COL25A1: variants seen among roughly 807,000 people sequenced by gnomAD.
The protein encoded by COL25A1 is collagen alpha-1(XXV) chain.
Under a neutral mutation model 128.4 loss-of-function variants are expected in COL25A1, and 103 were observed. The ratio of observed to expected loss-of-function variants is 0.80; its 90% CI spans 0.68 to 0.94. The LOEUF is 0.94. Among genes scored for constraint, COL25A1 ranks in the 40% least tolerant of loss-of-function variants. COL25A1 has a pLI of 0.00. For synonymous variants in COL25A1, 279 were observed against 277.2 expected, an observed-to-expected ratio of 1.01 and a Z score of -0.06; for missense variants, 745 against 840.0, an observed-to-expected ratio of 0.89 and a Z score of 1.40.
chr4:108,884,187 CGGAAGTCCA>C lies in COL25A1; in HGVS notation c.1002_1010del (p.Leu336_Gly338del). 1 of 1,613,702 alleles carries C rather than the reference CGGAAGTCCA, an allele frequency of 6.2e-7. No individual in the cohort carries two copies. The highest frequency in any genetic ancestry group is 8.5e-7 in the Non-Finnish European group (1 of 1,179,768). On this transcript the variant is annotated inframe_deletion, in exon 19 of 38. Transcript: ENST00000399132. Reference sequence around the variant, plus strand: ...TCCGTGCAGTATTTACCTTTATCCCCGGAAGTCCAGGAAGCCCAGGAAGCCCTGGTTCAC... The same window carrying C: ...TCCGTGCAGTATTTACCTTTATCCCCGGAAGCCCAGGAAGCCCTGGTTCAC...
chr4:108,813,173 C>A lies in COL25A1; in HGVS notation c.*754G>T, dbSNP rs189771880. ...ACTGGTGGCAGCAACAGGCTCAACCCCTTCGTATTTCAACCAAAGTGGCCA... is the reference window on the plus strand; with the variant it reads ...ACTGGTGGCAGCAACAGGCTCAACCACTTCGTATTTCAACCAAAGTGGCCA... On this transcript the variant is annotated 3_prime_UTR_variant, in exon 38 of 38. Coordinates refer to ENST00000399132, the MANE Select transcript of COL25A1 (RefSeq NM_198721.4). 1 of 152,194 alleles carries A rather than the reference C, an allele frequency of 6.6e-6. No homozygotes were observed. Among genetic ancestry groups the A allele is most frequent in the East Asian group, 1.9e-4 (1 of 5,184 alleles). The allele number at this position is 152,194 out of a possible 1,614,324, so 9.4% of individuals were successfully genotyped here.
chr4:108,981,752 G>C (rs961779139), intron 6 of COL25A1, among the ~76,000 whole-genome samples: 6 of 152,084 alleles, frequency 3.9e-5, no homozygotes, highest in Admixed American at 2.0e-4. Context: ...AATGCCCACT[G>C]TTTGGCTAAA....
At chr4:109,109,453 G>T (rs190958280) in intron 3 of COL25A1, among the ~76,000 whole-genome samples, 1 of 152,004 alleles carries the variant, frequency 6.6e-6, no homozygotes, top group Non-Finnish European at 1.5e-5. Flanking sequence ...GGTTGGTCTC[G>T]AACTCCTGGC....
chr4:109,286,986 A>G (rs1723952575), intron 3 of COL25A1, among the ~76,000 whole-genome samples: 1 of 152,310 alleles, frequency 6.6e-6, no homozygotes, highest in South Asian at 2.1e-4. Flanking sequence ...GGCAGAGATC[A>G]TTTATCTCCA....
chr4:109,008,418 C>T (rs1756246917), intron 6 of COL25A1, among the ~76,000 whole-genome samples: 3 of 152,208 alleles, frequency 2.0e-5, no homozygotes, highest in Admixed American at 1.3e-4. Context: ...TTCCCTGTGT[C>T]ATTTCTCCAC....
chr4:109,218,357 G>GTTTTTTTTTTTTTTTTTTTTTTTTTT (rs34056401), intron 3 of COL25A1, among the ~76,000 whole-genome samples: 5 of 73,568 alleles, frequency 6.8e-5, no homozygotes, highest in Non-Finnish European at 1.2e-4. Context: ...GTTTTTTGGG[G>GTTTTTTTTTTTTTTTTTTTTTTTTTT]TTTTTTTTTT....
rs1234198479 is a variant in COL25A1, at chr4:108,809,118, AAT to A, written c.*4807_*4808del. 6.6e-6 allele frequency: 1 copy of A among 152,198 alleles called. No homozygotes were observed. The highest frequency in any genetic ancestry group is 2.4e-5 in the African/African-American group (1 of 41,460). 9.4% of individuals were successfully genotyped at this position (152,198 alleles called of 1,614,324 possible). On this transcript the variant is annotated 3_prime_UTR_variant, in exon 38 of 38. Coordinates refer to ENST00000399132, the MANE Select transcript of COL25A1 (RefSeq NM_198721.4). ...GTGATAAGACACAACACATTCTTAG[AAT>A]AATCAATTGTATGAGACTGGCCCAC...
At chr4:109,036,964 A>G (rs76968304) in intron 5 of COL25A1, among the ~76,000 whole-genome samples, 2 of 152,316 alleles carry the variant, frequency 1.3e-5, no homozygotes, top group East Asian at 3.9e-4. Flanking sequence ...ATGTGTGTCT[A>G]CTACAGTTGA....
At chr4:109,092,373 T>C (rs1247335002) in intron 3 of COL25A1, among the ~76,000 whole-genome samples, 1 of 152,120 alleles carries the variant, frequency 6.6e-6, no homozygotes, top group Non-Finnish European at 1.5e-5. Flanking sequence ...TAGTCCCAGC[T>C]ACCTGGGAGG....
At chr4:109,098,354 C>T (rs1215182347) in intron 3 of COL25A1, among the ~76,000 whole-genome samples, 1 of 152,096 alleles carries the variant, frequency 6.6e-6, no homozygotes, top group East Asian at 1.9e-4. Flanking sequence ...AACTGGGAAC[C>T]CAAGAATCCT....
chr4:109,035,135 TA>T (rs1053914718), intron 5 of COL25A1, among the ~76,000 whole-genome samples: 1 of 152,180 alleles, frequency 6.6e-6, no homozygotes, highest in Non-Finnish European at 1.5e-5. Flanking sequence ...TCAAGAGATT[TA>T]TCATATTGAT....
At chr4:108,990,228 AAAAAAAAAAAAATAT>A (rs1204968481) in intron 6 of COL25A1, among the ~76,000 whole-genome samples, 3 of 71,146 alleles carry the variant, frequency 4.2e-5, no homozygotes, top group East Asian at 1.3e-3. Context: ...AAAAAAAAAA[AAAAAAAAAAAAATAT>A]ATATATATAT....
intron 34 of COL25A1, among the ~76,000 whole-genome samples, chr4:108,824,787 T>C (rs1198284568): frequency 6.6e-6 from 1 of 152,186 alleles, no homozygotes; most frequent in East Asian, 1.9e-4. Flanking sequence ...ATAAGATATA[T>C]AGGGACTAAA....
At chr4:108,977,986 G>A (rs1181377258) in intron 6 of COL25A1, among the ~76,000 whole-genome samples, 1 of 152,180 alleles carries the variant, frequency 6.6e-6, no homozygotes, top group Non-Finnish European at 1.5e-5. Flanking sequence ...AGGTTACACA[G>A]CATCTTTAAG....
At chr4:108,907,837 A>G (rs1274797369) in intron 13 of COL25A1, among the ~76,000 whole-genome samples, 1 of 152,222 alleles carries the variant, frequency 6.6e-6, no homozygotes, top group Non-Finnish European at 1.5e-5. Flanking sequence ...ATATCATAAT[A>G]CCAGCTGTTC....
At chr4:109,146,931 T>A (rs1002213009) in intron 3 of COL25A1, among the ~76,000 whole-genome samples, 3 of 152,188 alleles carry the variant, frequency 2.0e-5, no homozygotes, top group Non-Finnish European at 4.4e-5. Context: ...GTACACACAG[T>A]GGAAATAAAC....
At chr4:109,086,704 A>G (rs529321792) in intron 3 of COL25A1, among the ~76,000 whole-genome samples, 1 of 152,230 alleles carries the variant, frequency 6.6e-6, no homozygotes, top group Non-Finnish European at 1.5e-5. Flanking sequence ...CTCTTTGACT[A>G]TTAATAACTA....
chr4:109,233,722 T>C (rs984950864), intron 3 of COL25A1, among the ~76,000 whole-genome samples: 2 of 152,090 alleles, frequency 1.3e-5, no homozygotes, highest in Non-Finnish European at 2.9e-5. Flanking sequence ...AACGAGGCCT[T>C]TGACATTACT....
chr4:109,035,569 G>A (rs1475548057), intron 5 of COL25A1, among the ~76,000 whole-genome samples: 1 of 152,062 alleles, frequency 6.6e-6, no homozygotes, highest in African/African-American at 2.4e-5. Flanking sequence ...TTCTAGAAAC[G>A]AACAGGAATG....
Sources: allele counts gnomAD v4.1 joint callset (sites outside exome capture counted in the v4.1 genomes callset), GRCh38; gene constraint gnomAD v4.1.1; transcripts MANE v1.5; gene names NCBI Gene and HGNC (gene_info 2026-07-23, HGNC 2026-07-21).